The following CGGBP1 variants were observed in gnomAD, a reference collection of about 807,000 sequenced individuals.
CGGBP1 encodes the protein CGG triplet repeat binding protein 1, also known as CGG triplet repeat-binding protein 1.
A neutral mutation model predicts 11.4 loss-of-function variants in CGGBP1; 4 were observed. The ratio of observed to expected loss-of-function variants is 0.35; its 90% CI spans 0.17 to 0.80. The LOEUF (loss-of-function observed/expected upper bound fraction) is 0.80. Among genes scored for constraint, CGGBP1 ranks in the 30% least tolerant of loss-of-function variants. The pLI, the probability that CGGBP1 is intolerant of heterozygous loss-of-function variation, is 0.52. For synonymous variants in CGGBP1, 76 were observed against 74.1 expected (o/e 1.03, Z -0.13); for missense variants, 135 against 202.1 (o/e 0.67, Z 2.01).
chr3:88,102,678 G>A (rs1315244903), intron 2 of CGGBP1, among the ~76,000 whole-genome samples: 1 of 152,028 alleles, frequency 6.6e-6, no homozygotes, highest in Admixed American at 6.6e-5. Flanking sequence ...TGCACAGAAG[G>A]TCATGATACC....
At chr3:88,095,977 A>C (rs1181021916) in intron 2 of CGGBP1, 10 of 298,958 alleles carry the variant, frequency 3.3e-5, no homozygotes, top group Non-Finnish European at 6.2e-6. Context: ...CCCGTGTTGC[A>C]CTGTTCTACC....
chr3:88,141,670 G>T, intron 1 of CGGBP1: 1 of 1,502,416 alleles, frequency 6.7e-7, no homozygotes. Flanking sequence ...GGTTCAGAAA[G>T]ATCTGTCAAT....
chr3:88,126,172 T>C (rs1190307591), intron 2 of CGGBP1: 2 of 1,524,244 alleles, frequency 1.3e-6, no homozygotes, highest in Admixed American at 4.0e-5. Flanking sequence ...GAAATGTGAA[T>C]CTGGAACTGG....
chr3:88,134,226 T>C, intron 2 of CGGBP1, among the ~76,000 whole-genome samples: 1 of 152,112 alleles, frequency 6.6e-6, no homozygotes, highest in Non-Finnish European at 1.5e-5. Context: ...TTTGTCTGAG[T>C]ACACTATGTG....
chr3:88,056,252 A>G, intron 3 of CGGBP1: 1 of 310,946 alleles, frequency 3.2e-6, no homozygotes, highest in African/African-American at 2.1e-5. Flanking sequence ...GACTATAAAG[A>G]AAGAACTCAA....
chr3:88,064,614 C>A (rs1466458563), intron 2 of CGGBP1, among the ~76,000 whole-genome samples: 6 of 152,180 alleles, frequency 3.9e-5, no homozygotes, highest in Admixed American at 3.9e-4. Flanking sequence ...TGTTCCCAAA[C>A]TCCCTCTACT....
At chr3:88,059,041 G>A (rs115518558), upstream of CGGBP1, 11,711 of 526,060 alleles carry the variant, frequency 0.022, 198 homozygotes, top group Non-Finnish European at 0.031. Flanking sequence ...CAACCGCCGA[G>A]CAGCATTGAC....
At chr3:88,128,619 G>A (rs1706262899) in intron 2 of CGGBP1, among the ~76,000 whole-genome samples, 1 of 151,816 alleles carries the variant, frequency 6.6e-6, no homozygotes, top group Non-Finnish European at 1.5e-5. Context: ...CACTGTTTTG[G>A]TGTCACTCTT....
chr3:88,068,980 A>G (rs1265269306), intron 2 of CGGBP1, among the ~76,000 whole-genome samples: 15 of 152,194 alleles, frequency 9.9e-5, no homozygotes, highest in Non-Finnish European at 2.9e-5. Flanking sequence ...TTTGATATAT[A>G]CTGTAGCTTA....
At chr3:88,085,141 T>G (rs1708274338) in intron 2 of CGGBP1, among the ~76,000 whole-genome samples, 1 of 152,248 alleles carries the variant, frequency 6.6e-6, no homozygotes, top group Middle Eastern at 3.2e-3. Flanking sequence ...AAGTGATTAG[T>G]GTGAAAAGTC....
chr3:88,125,459 G>A (rs1284359934), intron 2 of CGGBP1, among the ~76,000 whole-genome samples: 1 of 152,072 alleles, frequency 6.6e-6, no homozygotes, highest in Non-Finnish European at 1.5e-5. Context: ...AAAATGTATG[G>A]ACAAATTCAC....
At chr3:88,083,957 A>AG (rs1274360386) in intron 2 of CGGBP1, among the ~76,000 whole-genome samples, 4 of 151,152 alleles carry the variant, frequency 2.6e-5, no homozygotes, top group Non-Finnish European at 5.9e-5. Flanking sequence ...ATATATATAT[A>AG]TATATATATA....
At chr3:88,088,744 T>TTATG (rs10574923) in intron 2 of CGGBP1, among the ~76,000 whole-genome samples, 57 of 148,628 alleles carry the variant, frequency 3.8e-4, no homozygotes, top group African/African-American at 1.1e-3. Flanking sequence ...AAACCTTTAT[T>TTATG]TATGTATGTA....
intron 2 of CGGBP1, chr3:88,135,372 A>T (rs1271096163): frequency 2.4e-6 from 1 of 421,148 alleles, no homozygotes; most frequent in African/African-American, 2.0e-5. Flanking sequence ...AACTCTCAAC[A>T]TGGGAGGCTG....
intron 2 of CGGBP1, among the ~76,000 whole-genome samples, chr3:88,067,351 A>C (rs142236067): frequency 2.2e-4 from 34 of 152,346 alleles, no homozygotes; most frequent in African/African-American, 7.5e-4. Context: ...TCATCCAAGG[A>C]GAGATCTTAG....
At chr3:88,073,191 A>G (rs1459109218) in intron 2 of CGGBP1, among the ~76,000 whole-genome samples, 1 of 152,212 alleles carries the variant, frequency 6.6e-6, no homozygotes, top group Non-Finnish European at 1.5e-5. Flanking sequence ...GGCTCCACCC[A>G]GACGTACAGA....
At chr3:88,108,866 TCA>T (rs1487043397) in intron 2 of CGGBP1, among the ~76,000 whole-genome samples, 3 of 152,060 alleles carry the variant, frequency 2.0e-5, no homozygotes, top group Non-Finnish European at 4.4e-5. Flanking sequence ...TGCTAAAATC[TCA>T]CAGTGAGAAC....
chr3:88,065,895 G>A (rs530836249), intron 2 of CGGBP1, among the ~76,000 whole-genome samples: 4 of 152,088 alleles, frequency 2.6e-5, no homozygotes, highest in Middle Eastern at 6.8e-3. Flanking sequence ...CACCATGCCC[G>A]GCTAAATTTT....
intron 3 of CGGBP1, 121 bp from the exon 4 acceptor site, chr3:88,056,120 AGACT>A: frequency 1.5e-6 from 1 of 678,906 alleles, no homozygotes; most frequent in South Asian, 2.2e-5. Flanking sequence ...TCAAATTAGT[AGACT>A]GTGTGTCTAT....
Sources: allele counts gnomAD v4.1 joint callset (sites outside exome capture counted in the v4.1 genomes callset), GRCh38; gene constraint gnomAD v4.1.1; transcripts MANE v1.5; gene names NCBI Gene and HGNC (gene_info 2026-07-23, HGNC 2026-07-21).